The following TMEM108 variants were observed in gnomAD, a reference collection of about 807,000 sequenced individuals.
TMEM108 encodes transmembrane protein 108.
In TMEM108, 12 loss-of-function variants were observed where a neutral mutation model predicts 35.1. The observed-to-expected ratio is 0.34, with a 90% confidence interval of 0.22 to 0.55. The LOEUF is 0.55. Among genes scored for constraint, TMEM108 ranks in the 20% least tolerant of loss-of-function variants. The pLI, the probability that TMEM108 is intolerant of heterozygous loss-of-function variation, is 0.89. For missense variants in TMEM108, 680 were observed against 753.3 expected (o/e 0.90, Z 1.14); for synonymous variants, 287 against 308.6 (o/e 0.93, Z 0.73).
At chr3:133,070,858 T>C (rs78672527) in intron 2 of TMEM108, among the ~76,000 whole-genome samples, 2,527 of 151,926 alleles carry the variant, frequency 0.017, 81 homozygotes, top group African/African-American at 0.058. Flanking sequence ...GGTATGAGGG[T>C]GCTAGGGTAC....
At chr3:133,112,511 G>A (rs1476794793) in intron 2 of TMEM108, among the ~76,000 whole-genome samples, 2 of 152,146 alleles carry the variant, frequency 1.3e-5, no homozygotes, top group Non-Finnish European at 2.9e-5. Flanking sequence ...TTAATAACAT[G>A]TATAAAGAAT....
chr3:133,216,430 T>G (rs377133760), intron 2 of TMEM108, among the ~76,000 whole-genome samples: 1 of 152,118 alleles, frequency 6.6e-6, no homozygotes, highest in South Asian at 2.1e-4. Flanking sequence ...GGTCAAATGC[T>G]TTCCCTTGCA....
intron 3 of TMEM108, among the ~76,000 whole-genome samples, chr3:133,305,182 C>A (rs1947284755): frequency 6.6e-6 from 1 of 151,478 alleles, no homozygotes; most frequent in Non-Finnish European, 1.5e-5. Context: ...TACTATGCAG[C>A]CATAAAAAAT....
At chr3:133,041,884 A>G (rs1943280665) in intron 1 of TMEM108, 2 of 152,212 alleles carry the variant, frequency 1.3e-5, no homozygotes, top group Admixed American at 1.3e-4. Context: ...GACAGCAGTG[A>G]GAGTATTAGT....
intron 2 of TMEM108, among the ~76,000 whole-genome samples, chr3:133,068,601 A>G (rs1456525110): frequency 6.6e-6 from 1 of 152,174 alleles, no homozygotes; most frequent in Non-Finnish European, 1.5e-5. Context: ...GGAGAATGAT[A>G]TGATCTAGTT....
At chr3:133,043,487 A>G (rs1193461152) in intron 1 of TMEM108, among the ~76,000 whole-genome samples, 5 of 152,222 alleles carry the variant, frequency 3.3e-5, no homozygotes, top group African/African-American at 4.8e-5. Flanking sequence ...TCTTAAATTA[A>G]TAATGTATAT....
At chr3:133,143,744 A>G (rs1400583737) in intron 2 of TMEM108, among the ~76,000 whole-genome samples, 2 of 152,018 alleles carry the variant, frequency 1.3e-5, no homozygotes, top group African/African-American at 2.4e-5. Context: ...CAGACAGCCA[A>G]TATGGTTTCC....
At chr3:133,177,192 A>G (rs917939488) in intron 2 of TMEM108, among the ~76,000 whole-genome samples, 3 of 152,172 alleles carry the variant, frequency 2.0e-5, no homozygotes, top group Non-Finnish European at 4.4e-5. Context: ...CCAACCAAAA[A>G]AGTCCAGGAC....
At chr3:133,159,708 C>T (rs759460484) in intron 2 of TMEM108, among the ~76,000 whole-genome samples, 33 of 152,130 alleles carry the variant, frequency 2.2e-4, no homozygotes, top group Non-Finnish European at 3.7e-4. Flanking sequence ...GTCACAGAGA[C>T]GTTAAATGAC....
At chr3:133,283,144 A>G (rs1946938591) in intron 3 of TMEM108, among the ~76,000 whole-genome samples, 1 of 152,232 alleles carries the variant, frequency 6.6e-6, no homozygotes, top group Non-Finnish European at 1.5e-5. Flanking sequence ...ATAATTATTT[A>G]TGCCATTTAA....
chr3:133,061,234 CAG>C (rs1449181001), intron 2 of TMEM108, among the ~76,000 whole-genome samples: 2 of 124,048 alleles, frequency 1.6e-5, no homozygotes, highest in Non-Finnish European at 3.3e-5. Context: ...TTTTTTGAGA[CAG>C]AGTCTCACTC....
rs151223832 is a variant in TMEM108, at chr3:133,356,495, A to G, written c.41-23257A>G. ...AATTCTAAAATTCATATGGAACCAA[A>G]AAAGAGCCCACATAATCAAAGCAAT... On this transcript the variant is annotated intron_variant, in intron 3 of 5. Coordinates refer to ENST00000321871, the MANE Select transcript of TMEM108 (RefSeq NM_023943.4). Among the ~76,000 whole-genome samples the G allele has an allele frequency of 3.5e-3, 526 of 152,316 alleles. 1 individual carries two copies. The highest frequency in any genetic ancestry group is 6.0e-3 in the Non-Finnish European group (406 of 68,022).
chr3:133,237,114 A>G (rs554494855), intron 3 of TMEM108, among the ~76,000 whole-genome samples: 13 of 152,094 alleles, frequency 8.5e-5, no homozygotes, highest in Non-Finnish European at 1.6e-4. Flanking sequence ...TCTCAGAGTC[A>G]TGGGTCAGGA....
chr3:133,228,326 A>G (rs1471041317), intron 2 of TMEM108, among the ~76,000 whole-genome samples: 1 of 152,214 alleles, frequency 6.6e-6, no homozygotes, highest in Non-Finnish European at 1.5e-5. Context: ...CAATAAACAT[A>G]AAATGCAAAT....
At chr3:133,291,258 G>GTT (rs143163689) in intron 3 of TMEM108, among the ~76,000 whole-genome samples, 45,399 of 148,224 alleles carry the variant, frequency 0.31, 7,477 homozygotes, top group East Asian at 0.46. Flanking sequence ...CCACCGTGGA[G>GTT]TTTTTTTTTT....
At position 133,380,744 on chromosome 3, in the gene TMEM108, C is replaced by T. The variant is rs1368877658; in HGVS notation, c.1033C>T (p.Pro345Ser). Residue 345 changes from proline to serine, a missense_variant, in exon 4 of 6, where the codon CCT (proline) becomes TCT (serine). Pro to Ser is a moderately conservative substitution (Grantham distance 74). Around this residue, in one of 3 missense-constraint regions of TMEM108, gnomAD observed 526 missense variants for 532.1 expected, o/e 0.99. Coordinates refer to ENST00000321871, the MANE Select transcript of TMEM108 (RefSeq NM_023943.4). The surrounding 1 kb of genome is among the most constrained non-coding windows in gnomAD (Gnocchi z 5.3). ...WLTVTPGTSRPLSTSSGVFTA... is the reference protein window; with the variant it reads ...WLTVTPGTSRSLSTSSGVFTA... ...TACTGTTACCCCTGGCACCAGCAGA[C>T]CTCTGTCTACCAGCTCTGGGGTCTT... The T allele has an allele frequency of 6.2e-7, 1 of 1,614,114 alleles. No homozygotes were observed. Among genetic ancestry groups the T allele is most frequent in the Non-Finnish European group, 8.5e-7 (1 of 1,180,010 alleles).
At position 133,231,794 on chromosome 3, in the gene TMEM108, T is replaced by C. The variant is rs146308370; in HGVS notation, c.40+2443T>C. Among the ~76,000 whole-genome samples the C allele has an allele frequency of 4.4e-4, 67 of 152,318 alleles. 2 individuals are homozygous for C. In the East Asian group the frequency reaches 0.01, roughly 24 times the overall value. On this transcript the variant is annotated intron_variant, in intron 3 of 5. Coordinates refer to ENST00000321871, the MANE Select transcript of TMEM108 (RefSeq NM_023943.4). ...TGGACATTAGCCAGTTCATAAGTCA[T>C]TATTAATATAGAAGCTATACCCTCC...
chr3:133,124,485 C>G (rs1297971541), intron 2 of TMEM108, among the ~76,000 whole-genome samples: 1 of 152,156 alleles, frequency 6.6e-6, no homozygotes. Flanking sequence ...TTGCCTCAAG[C>G]CTGTGGACGT....
At chr3:133,143,625 G>A (rs1391615997) in intron 2 of TMEM108, among the ~76,000 whole-genome samples, 2 of 152,178 alleles carry the variant, frequency 1.3e-5, no homozygotes, top group African/African-American at 4.8e-5. Context: ...GGTACAGAGA[G>A]ATGAAGCCAA....
Sources: allele counts gnomAD v4.1 joint callset (sites outside exome capture counted in the v4.1 genomes callset), GRCh38; gene constraint gnomAD v4.1.1; regional missense constraint gnomAD v4.1.1; non-coding constraint Gnocchi (gnomAD v3.1); transcripts MANE v1.5; gene names NCBI Gene and HGNC (gene_info 2026-07-23, HGNC 2026-07-21).